HAPLN1: variants seen among roughly 807,000 people sequenced by gnomAD.
The protein encoded by HAPLN1 is hyaluronan and proteoglycan link protein 1, also known as Cartilage link protein.
HAPLN1 carries 13 observed loss-of-function variants against 36.5 expected under a neutral mutation model. The ratio of observed to expected loss-of-function variants is 0.36; its 90% CI spans 0.23 to 0.57. HAPLN1 has a LOEUF of 0.57. Ranked by LOEUF, HAPLN1 falls within the 20% of genes least tolerant of loss-of-function variation. The pLI is 0.83. For missense variants in HAPLN1, 407 were observed against 439.7 expected, an observed-to-expected ratio of 0.93 and a Z score of 0.66; for synonymous variants, 202 against 169.8, an observed-to-expected ratio of 1.19 and a Z score of -1.48.
chr5:83,706,981 C>T (rs1256572598), intron 1 of HAPLN1, among the ~76,000 whole-genome samples: 1 of 152,100 alleles, frequency 6.6e-6, no homozygotes, highest in Non-Finnish European at 1.5e-5. Context: ...TTCACAATTG[C>T]CACAGAAAGA....
At chr5:83,709,001 G>A (rs188647503) in intron 1 of HAPLN1, among the ~76,000 whole-genome samples, 4 of 152,018 alleles carry the variant, frequency 2.6e-5, no homozygotes, top group South Asian at 2.1e-4. Context: ...TCAGTCTCCC[G>A]AGTAGCTGGG....
At chr5:83,720,067 G>A (rs1007226531) in intron 1 of HAPLN1, among the ~76,000 whole-genome samples, 1 of 152,104 alleles carries the variant, frequency 6.6e-6, no homozygotes, top group Admixed American at 6.5e-5. Context: ...CTACTTAATC[G>A]AAGCCCAAAC....
intron 3 of HAPLN1, among the ~76,000 whole-genome samples, chr5:83,646,147 AG>A (rs1749870014): frequency 6.6e-6 from 1 of 152,246 alleles, no homozygotes; most frequent in Admixed American, 6.5e-5. Context: ...TTACCACATA[AG>A]AAAGCAAAGT....
intron 1 of HAPLN1, among the ~76,000 whole-genome samples, chr5:83,696,935 G>A (rs1345468191): frequency 1.3e-5 from 2 of 152,058 alleles, no homozygotes; most frequent in East Asian, 3.8e-4. Context: ...TAAGCATACA[G>A]TGCAGTGGTT....
At position 83,644,595 on chromosome 5, in the gene HAPLN1, A is replaced by G. The variant is rs1249250459; in HGVS notation, c.543T>C (p.Cys181=). The change falls in exon 4 of 5, where the codon TGT becomes TGC. Residue 181 remains cysteine, a synonymous_variant. Coordinates refer to ENST00000274341, the MANE Select transcript of HAPLN1 (RefSeq NM_001884.4). Reference sequence around the variant, plus strand: ...AGGCGATCACAGCATCCTGGTCCAGACACGCCTGCTGCGCCTCGTGAAAAT... The same window carrying G: ...AGGCGATCACAGCATCCTGGTCCAGGCACGCCTGCTGCGCCTCGTGAAAAT... ...NLNFHEAQQA[C]LDQDAVIASF... The G allele has an allele frequency of 6.4e-7, 1 of 1,560,994 alleles. No individual in the cohort carries two copies. The highest frequency in any genetic ancestry group is 1.2e-5 in the South Asian group (1 of 83,786).
chr5:83,716,889 G>A (rs998918175), intron 1 of HAPLN1, among the ~76,000 whole-genome samples: 8 of 152,014 alleles, frequency 5.3e-5, no homozygotes, highest in Admixed American at 3.9e-4. Context: ...AAAATTAGCC[G>A]GGCATGGTGA....
At chr5:83,681,188 T>C (rs1464133652) in intron 1 of HAPLN1, among the ~76,000 whole-genome samples, 5 of 152,288 alleles carry the variant, frequency 3.3e-5, no homozygotes, top group South Asian at 4.1e-4. Flanking sequence ...TGATCAGTAA[T>C]AGTAAATGAA....
At chr5:83,695,612 A>G (rs1751374974) in intron 1 of HAPLN1, among the ~76,000 whole-genome samples, 1 of 136,910 alleles carries the variant, frequency 7.3e-6, no homozygotes, top group East Asian at 2.0e-4. Flanking sequence ...ATAGATATCT[A>G]TAGATATATA....
chr5:83,678,096 T>C lies in HAPLN1; in HGVS notation c.-26-4547A>G, dbSNP rs544789724. Among the ~76,000 whole-genome samples the C allele has an allele frequency of 5.3e-5, 8 of 152,272 alleles. No individual in the cohort carries two copies. In the South Asian group the frequency reaches 1.2e-3, roughly 24 times the overall value. Reference sequence around the variant, plus strand: ...CACTGGGCTAAGTTTTTAAGATTACTGGGCGTTCTTCTTCTGGGTGTGGGT... The same window carrying C: ...CACTGGGCTAAGTTTTTAAGATTACCGGGCGTTCTTCTTCTGGGTGTGGGT... On this transcript the variant is annotated intron_variant, in intron 1 of 4. Coordinates refer to ENST00000274341, the MANE Select transcript of HAPLN1 (RefSeq NM_001884.4).
At chr5:83,646,204 T>G (rs1370579506) in intron 3 of HAPLN1, among the ~76,000 whole-genome samples, 1 of 152,216 alleles carries the variant, frequency 6.6e-6, no homozygotes, top group Non-Finnish European at 1.5e-5. Context: ...GTCAAAGTAT[T>G]TCTCCCATGG....
In HAPLN1 at chr5:83,652,943, GC is replaced by G. The variant is rs2112567757; in HGVS notation, c.101-120del. 7 of 943,644 alleles carry G rather than the reference GC, an allele frequency of 7.4e-6. No individual in the cohort carries two copies. In the South Asian group the frequency reaches 1.2e-4, roughly 16 times the overall value. 58.5% of individuals were successfully genotyped at this position (943,644 alleles called of 1,614,324 possible). A position where few individuals can be genotyped will look rare whatever the true frequency, so the allele number is the denominator to read the frequency against. On this transcript the variant is annotated intron_variant, in intron 2 of 4. Coordinates refer to ENST00000274341, the MANE Select transcript of HAPLN1 (RefSeq NM_001884.4). Reference sequence around the variant, plus strand: ...GACAAAGGATAGCTTTGAGTGGTTAGCTTCTCTACGTAATCTCTTTTGAACC... The same window carrying G: ...GACAAAGGATAGCTTTGAGTGGTTAGTTCTCTACGTAATCTCTTTTGAACC...
chr5:83,678,394 G>T (rs375326957), intron 1 of HAPLN1, among the ~76,000 whole-genome samples: 1 of 151,942 alleles, frequency 6.6e-6, no homozygotes, highest in African/African-American at 2.4e-5. Flanking sequence ...GAATTAAGGC[G>T]AAAAATATAT....
chr5:83,642,883 G>A (rs1749741956), intron 4 of HAPLN1, among the ~76,000 whole-genome samples: 1 of 152,280 alleles, frequency 6.6e-6, no homozygotes, highest in East Asian at 1.9e-4. Flanking sequence ...TGTAAATGAA[G>A]TTTTATTGGA....
chr5:83,679,712 G>T (rs940671753), intron 1 of HAPLN1, among the ~76,000 whole-genome samples: 1 of 152,130 alleles, frequency 6.6e-6, no homozygotes, highest in Admixed American at 6.5e-5. Context: ...TGGATAGATG[G>T]GGAAATATGG....
chr5:83,678,000 G>C (rs1012517929), intron 1 of HAPLN1, among the ~76,000 whole-genome samples: 2 of 152,078 alleles, frequency 1.3e-5, no homozygotes, highest in Admixed American at 1.3e-4. Context: ...CTGGGGGATG[G>C]GGCCCAGCCA....
intron 3 of HAPLN1, among the ~76,000 whole-genome samples, chr5:83,649,256 T>A (rs1749975584): frequency 6.6e-6 from 1 of 152,056 alleles, no homozygotes; most frequent in Non-Finnish European, 1.5e-5. Context: ...AACATTCTTA[T>A]CCCACCCTGC....
intron 1 of HAPLN1, among the ~76,000 whole-genome samples, chr5:83,683,485 A>G (rs139474364): frequency 3.0e-4 from 46 of 152,348 alleles, no homozygotes; most frequent in African/African-American, 1.0e-3. Flanking sequence ...GAGCAATTAC[A>G]TAAAAGACTG....
intron 1 of HAPLN1, among the ~76,000 whole-genome samples, chr5:83,701,851 G>A (rs921399987): frequency 6.6e-6 from 1 of 152,086 alleles, no homozygotes; most frequent in Non-Finnish European, 1.5e-5. Context: ...GCTTGAACCC[G>A]GGAGACGGAG....
intron 3 of HAPLN1, among the ~76,000 whole-genome samples, chr5:83,651,803 G>A (rs1423914562): frequency 6.6e-6 from 1 of 152,122 alleles, no homozygotes; most frequent in Non-Finnish European, 1.5e-5. Flanking sequence ...CAGAGGGGAG[G>A]CAAGGATGGC....
Sources: gnomAD v4.1 joint callset for allele counts (sites outside exome capture counted in the v4.1 genomes callset) on GRCh38, gnomAD v4.1.1 for gene constraint, MANE v1.5 for transcripts, NCBI Gene and HGNC (gene_info 2026-07-23, HGNC 2026-07-21) for gene names.